Variants in EDC3 observed in about 807,000 individuals in gnomAD.
The protein encoded by EDC3 is enhancer of mRNA decapping 3, also known as enhancer of mRNA-decapping protein 3.
Under a neutral mutation model 41.8 loss-of-function variants are expected in EDC3, and 20 were observed. The ratio of observed to expected loss-of-function variants is 0.48; its 90% CI spans 0.34 to 0.70. The LOEUF (loss-of-function observed/expected upper bound fraction) is 0.70, where lower values mean the gene tolerates loss of function less well. Ranked by LOEUF, EDC3 falls within the 30% of genes least tolerant of loss-of-function variation. The pLI, the probability that EDC3 is intolerant of heterozygous loss-of-function variation, is 0.01. For synonymous variants in EDC3, 206 were observed against 243.2 expected (o/e 0.85, Z 1.42); for missense variants, 444 against 636.8 (o/e 0.70, Z 3.26).
intron 3 of EDC3, among the ~76,000 whole-genome samples, chr15:74,657,786 A>G (rs961958442): frequency 6.6e-6 from 1 of 152,248 alleles, no homozygotes; most frequent in African/African-American, 2.4e-5. Context: ...CTACATTCTG[A>G]GCCAGGTATA....
chr15:74,653,915 A>G (rs193015892), intron 4 of EDC3, among the ~76,000 whole-genome samples: 38 of 152,230 alleles, frequency 2.5e-4, no homozygotes, highest in Admixed American at 8.5e-4. Flanking sequence ...ACTCTTAGCC[A>G]CTTGACTCCA....
At chr15:74,652,313 C>T (rs1415377224) in intron 4 of EDC3, among the ~76,000 whole-genome samples, 1 of 151,520 alleles carries the variant, frequency 6.6e-6, no homozygotes, top group East Asian at 1.9e-4. Context: ...CTGCAAGCTC[C>T]GCCTCCCAGG....
At chr15:74,673,794 C>T (rs1322988569) in intron 2 of EDC3, among the ~76,000 whole-genome samples, 1 of 147,044 alleles carries the variant, frequency 6.8e-6, no homozygotes, top group African/African-American at 2.5e-5. Context: ...GAGCCAAGAT[C>T]GTGCCACTGC....
In EDC3 at chr15:74,632,491, A is replaced by T. The variant is rs1164785157; in HGVS notation, c.*121T>A. The T allele has an allele frequency of 4.2e-6, 5 of 1,196,786 alleles. No homozygotes were observed. In the East Asian group the frequency reaches 9.6e-5, roughly 23 times the overall value. The allele number at this position is 1,196,786 out of a possible 1,614,324, so 74.1% of individuals were successfully genotyped here. On this transcript the variant is annotated 3_prime_UTR_variant, in exon 7 of 7. Coordinates refer to ENST00000315127, the MANE Select transcript of EDC3 (RefSeq NM_025083.5). This position sits in a 1 kb window ranked among gnomAD's most constrained non-coding sequence, Gnocchi z 4.0. ...AGTTTTAAGTAAGTTCTGTTCTCTC[A>T]CAGAAGAAACAAACCCAAAAGAGAA...
chr15:74,691,584 G>A lies in EDC3; in HGVS notation c.-19+4296C>T, dbSNP rs1404888254. ...TCTTTACACTGGAATACACATGTCC[G>A]TAGGGGGTACACAAAGATATGCAAG... On this transcript the variant is annotated intron_variant, in intron 1 of 6. Transcript: ENST00000315127. Among the ~76,000 whole-genome samples, 6 of 152,208 alleles carry A rather than the reference G, an allele frequency of 3.9e-5. No homozygotes were observed. In the South Asian group the frequency reaches 6.2e-4, roughly 16 times the overall value.
At chr15:74,681,759 G>A (rs759412952) in intron 1 of EDC3, among the ~76,000 whole-genome samples, 1 of 152,114 alleles carries the variant, frequency 6.6e-6, no homozygotes, top group Non-Finnish European at 1.5e-5. Flanking sequence ...TACTCAAAAT[G>A]TATCATGAAC....
chr15:74,635,210 T>A, intron 6 of EDC3, 199 bp downstream of exon 6: 1 of 702,788 alleles, frequency 1.4e-6, no homozygotes, highest in Non-Finnish European at 2.6e-6. Context: ...GGTCCCCAGC[T>A]CTTCATGTGA....
At chr15:74,656,278 C>T (rs749541389) in intron 3 of EDC3, among the ~76,000 whole-genome samples, 3 of 152,126 alleles carry the variant, frequency 2.0e-5, no homozygotes, top group African/African-American at 7.2e-5. Context: ...CACAGTGGCT[C>T]ACGCCTATAA....
intron 6 of EDC3, among the ~76,000 whole-genome samples, chr15:74,634,485 C>T (rs941629511): frequency 6.6e-6 from 1 of 152,182 alleles, no homozygotes; most frequent in Non-Finnish European, 1.5e-5. Context: ...ACTTCAGATT[C>T]ATATAACTCG....
intron 4 of EDC3, among the ~76,000 whole-genome samples, chr15:74,651,491 G>A (rs925849503): frequency 3.9e-5 from 6 of 152,250 alleles, no homozygotes; most frequent in Non-Finnish European, 2.9e-5. Context: ...GCCAAGAGGA[G>A]TATGAGCAAT....
At chr15:74,661,744 G>A (rs12916411) in intron 3 of EDC3, among the ~76,000 whole-genome samples, 123,915 of 125,748 alleles carry the variant, frequency 0.99, 61,201 homozygotes, top group South Asian at 1. Context: ...AAAAAAAAAA[G>A]AAAAAGAAAA....
At chr15:74,668,347 C>T (rs1027379329) in intron 3 of EDC3, among the ~76,000 whole-genome samples, 5 of 151,932 alleles carry the variant, frequency 3.3e-5, no homozygotes, top group African/African-American at 1.2e-4. Context: ...AACATTGGTT[C>T]AATAATTATA....
At chr15:74,642,252 T>C (rs2062361738) in intron 4 of EDC3, 2 of 152,238 alleles carry the variant, frequency 1.3e-5, no homozygotes, top group African/African-American at 2.4e-5. Flanking sequence ...CACTATCCTG[T>C]TGGCTAACTG....
At chr15:74,638,302 A>T (rs2062300302) in intron 5 of EDC3, 1 of 151,900 alleles carries the variant, frequency 6.6e-6, no homozygotes, top group Non-Finnish European at 1.5e-5. Flanking sequence ...AGCATCAGCT[A>T]AGACCCTTTT....
chr15:74,632,977 C>T lies in EDC3; in HGVS notation c.1193-31G>A, dbSNP rs750199559. The T allele has an allele frequency of 6.2e-7, 1 of 1,605,954 alleles. No individual in the cohort carries two copies. The highest frequency in any genetic ancestry group is 1.1e-5 in the South Asian group (1 of 90,134). ...GGTGGAAAGAGTGCCATCTGAAAGTCCCTATGAGCAGAGAGCAGCCCAGGC... is the reference window on the plus strand; with the variant it reads ...GGTGGAAAGAGTGCCATCTGAAAGTTCCTATGAGCAGAGAGCAGCCCAGGC... On this transcript the variant is annotated intron_variant, in intron 6 of 6. Transcript: ENST00000315127. The surrounding 1 kb of genome is among the most constrained non-coding windows in gnomAD (Gnocchi z 4.0).
intron 1 of EDC3, among the ~76,000 whole-genome samples, chr15:74,679,394 T>C (rs1039479666): frequency 1.3e-5 from 2 of 152,014 alleles, no homozygotes; most frequent in Non-Finnish European, 2.9e-5. Context: ...ATATATCACA[T>C]ATATTTAGGT....
intron 5 of EDC3, chr15:74,637,076 A>G (rs563180981): frequency 6.6e-6 from 1 of 152,224 alleles, no homozygotes; most frequent in Non-Finnish European, 1.5e-5. Context: ...ATCCAAAAAC[A>G]CAGGGCTATT....
chr15:74,633,777 T>C (rs1428813738), intron 6 of EDC3, among the ~76,000 whole-genome samples: 4 of 152,318 alleles, frequency 2.6e-5, no homozygotes, highest in South Asian at 2.1e-4. Flanking sequence ...GGGGGCATCA[T>C]GTTAAAAATT....
intron 1 of EDC3, among the ~76,000 whole-genome samples, chr15:74,680,134 C>G: frequency 6.6e-6 from 1 of 150,932 alleles, no homozygotes; most frequent in Non-Finnish European, 1.5e-5. Context: ...TGGTGGCGTG[C>G]TCCTGAGTCC....
Sources: allele counts gnomAD v4.1 joint callset (sites outside exome capture counted in the v4.1 genomes callset), GRCh38; gene constraint gnomAD v4.1.1; non-coding constraint Gnocchi (gnomAD v3.1); transcripts MANE v1.5; gene names NCBI Gene and HGNC (gene_info 2026-07-23, HGNC 2026-07-21).